CELSR1: variants seen among roughly 807,000 people sequenced by gnomAD.
CELSR1 encodes the protein cadherin EGF LAG seven-pass G-type receptor 1.
In CELSR1, 110 loss-of-function variants were observed where a neutral mutation model predicts 249.1. The ratio of observed to expected loss-of-function variants is 0.44; its 90% CI spans 0.38 to 0.52. CELSR1 has a LOEUF of 0.52. Among genes scored for constraint, CELSR1 ranks in the 20% least tolerant of loss-of-function variants. CELSR1 has a pLI of 0.00. For synonymous variants in CELSR1, 2,113 were observed against 1,900.0 expected, an observed-to-expected ratio of 1.11 and a Z score of -2.92; for missense variants, 4,109 against 4,296.4, an observed-to-expected ratio of 0.96 and a Z score of 1.22.
In CELSR1 at chr22:46,398,226, G is replaced by A. The variant is rs2079172314; in HGVS notation, c.5526+298C>T. ...TTGGGTGACGTCTGTGGTTGGACTGGGTGGGGGTGGCGGCAAGGGGCTCGA... is the reference window on the plus strand; with the variant it reads ...TTGGGTGACGTCTGTGGTTGGACTGAGTGGGGGTGGCGGCAAGGGGCTCGA... On this transcript the variant is annotated intron_variant, in intron 11 of 34. Coordinates refer to ENST00000674500, the MANE Select transcript of CELSR1 (RefSeq NM_001378328.1). The surrounding 1 kb of genome is among the most constrained non-coding windows in gnomAD (Gnocchi z 7.2). Among the ~76,000 whole-genome samples the A allele has an allele frequency of 6.6e-6, 1 of 152,144 alleles. No homozygotes were observed. Among genetic ancestry groups the A allele is most frequent in the African/African-American group, 2.4e-5 (1 of 41,430 alleles).
chr22:46,414,460 C>G (rs1235793417), intron 5 of CELSR1, among the ~76,000 whole-genome samples: 1 of 152,040 alleles, frequency 6.6e-6, no homozygotes, highest in African/African-American at 2.4e-5. Context: ...CCTGTCACCC[C>G]TGAATAGGTG....
intron 1 of CELSR1, among the ~76,000 whole-genome samples, chr22:46,483,936 A>C (rs1250250573): frequency 6.6e-6 from 1 of 152,198 alleles, no homozygotes; most frequent in Non-Finnish European, 1.5e-5. Context: ...ATTTGTACCT[A>C]TTTAAGAGCA....
intron 1 of CELSR1, among the ~76,000 whole-genome samples, chr22:46,507,521 G>A (rs992646488): frequency 1.3e-5 from 2 of 152,100 alleles, no homozygotes; most frequent in Non-Finnish European, 2.9e-5. Flanking sequence ...GCTATACTCG[G>A]TGTGCCCCAG....
intron 1 of CELSR1, among the ~76,000 whole-genome samples, chr22:46,509,212 C>G (rs187668446): frequency 1.3e-5 from 2 of 152,284 alleles, no homozygotes; most frequent in Admixed American, 1.3e-4. Context: ...TTCACAGGCA[C>G]CACAGGGTCT....
chr22:46,381,936 G>C lies in CELSR1; in HGVS notation c.6998C>G (p.Ala2333Gly). The part of the protein sequence containing the change: ...ISRRRRHPDD[A>G]GQFAVALVII... ...GACCAGAGCGACGGCGAACTGGCCA[G>C]CGTCATCAGGGTGTCGCCTCCGCCT... The change falls in exon 21 of 35, where the codon GCT becomes GGT. Residue 2333 changes from alanine (A) to glycine (G), a missense_variant. Ala to Gly is a moderately conservative substitution (Grantham distance 60). Transcript: ENST00000674500. This position sits in a 1 kb window ranked among gnomAD's most constrained non-coding sequence, Gnocchi z 6.0. 1 of 1,568,700 alleles carries C rather than the reference G, an allele frequency of 6.4e-7. No individual in the cohort carries two copies. The highest frequency in any genetic ancestry group is 1.4e-5 in the African/African-American group (1 of 73,998).
In CELSR1 at chr22:46,535,203, C is replaced by G. The variant is rs767839664; in HGVS notation, c.1968G>C (p.Gly656=). Residue 656 remains glycine, a synonymous_variant, in exon 1 of 35, where the codon GGG becomes GGC. Coordinates refer to ENST00000674500, the MANE Select transcript of CELSR1 (RefSeq NM_001378328.1). Reference sequence around the variant, plus strand: ...GCGAGCCGTGGTCCACCGCCTCCACCCCGAAGCTGTAGTGCTCCACCTCCT... The same window carrying G: ...GCGAGCCGTGGTCCACCGCCTCCACGCCGAAGCTGTAGTGCTCCACCTCCT... ...DREEVEHYSF[G]VEAVDHGSPP... 1.9e-6 allele frequency: 3 copies of G among 1,609,388 alleles called. No homozygotes were observed. Among genetic ancestry groups the G allele is most frequent in the Non-Finnish European group, 2.5e-6 (3 of 1,179,850 alleles).
In CELSR1 at chr22:46,365,323, G is replaced by C; in HGVS notation, c.8462C>G (p.Ala2821Gly). Reference sequence around the variant, plus strand: ...CTCGCTGTCTGACGAGTGTGAGGAGGCGTAAGAGCTGCTCTGCTCATCCAG... The same window carrying C: ...CTCGCTGTCTGACGAGTGTGAGGAGCCGTAAGAGCTGCTCTGCTCATCCAG... Reference protein sequence around the residue: ...LSLDEQSSSYASSHSSDSEDD... With the variant: ...LSLDEQSSSYGSSHSSDSEDD... Residue 2821 changes from alanine (A) to glycine (G), a missense_variant, in exon 32 of 35, where the codon GCC becomes GGC. Ala to Gly is a moderately conservative substitution (Grantham distance 60, BLOSUM62 0). Coordinates refer to ENST00000674500, the MANE Select transcript of CELSR1 (RefSeq NM_001378328.1). 6.2e-7 allele frequency: 1 copy of C among 1,612,994 alleles called. No individual in the cohort carries two copies. Among genetic ancestry groups the C allele is most frequent in the Non-Finnish European group, 8.5e-7 (1 of 1,179,972 alleles).
rs1208309080 is a variant in CELSR1, at chr22:46,536,748, G to A, written c.423C>T (p.Ala141=). 2.5e-6 allele frequency: 3 copies of A among 1,183,084 alleles called. No homozygotes were observed. The highest frequency in any genetic ancestry group is 9.3e-5 in the Admixed American group (2 of 21,432). The allele number at this position is 1,183,084 out of a possible 1,614,324, so 73.3% of individuals were successfully genotyped here. ...LCFPVPGGCA[A]AQHSALAAPT... ...GAGCTGCGAGCGCCGAATGCTGCGC[G>A]GCCGCGCAGCCGCCGGGGACGGGGA... Residue 141 remains alanine, a synonymous_variant, in exon 1 of 35, where the codon GCC becomes GCT. Coordinates refer to ENST00000674500, the MANE Select transcript of CELSR1 (RefSeq NM_001378328.1).
rs542640363 is a variant in CELSR1, at chr22:46,464,277, T to G, written c.3613A>C (p.Asn1205His). ...VTIITDDMLTNSITVRLENMS... is the reference protein window; with the variant it reads ...VTIITDDMLTHSITVRLENMS... ...TTCTCCAGGCGGACAGTGATGCTGT[T>G]GGTCAGCATGTCGTCCGTGATGATG... Residue 1205 changes from asparagine (N) to histidine (H), a missense_variant, in exon 2 of 35, where the codon AAC (asparagine) becomes CAC (histidine). This residue lies in a region of CELSR1 where 886 missense variants were observed against 896.5 expected (regional missense o/e 0.99). Transcript: ENST00000674500. The surrounding 1 kb of genome is among the most constrained non-coding windows in gnomAD (Gnocchi z 8.5). 4 of 1,613,620 alleles carry G rather than the reference T, an allele frequency of 2.5e-6. No individual in the cohort carries two copies. In the South Asian group the frequency reaches 4.4e-5, roughly 18 times the overall value.
At chr22:46,461,687 G>C (rs577327608) in intron 2 of CELSR1, among the ~76,000 whole-genome samples, 1 of 152,244 alleles carries the variant, frequency 6.6e-6, no homozygotes, top group Non-Finnish European at 1.5e-5. Context: ...GGCTGTGTGC[G>C]CTGGCCTGGT....
chr22:46,366,998 G>A lies in CELSR1; in HGVS notation c.8200C>T (p.Leu2734=), dbSNP rs376550083. ...EDSATTRATL[L]TRSLNCNTTF... is the part of the protein sequence containing the mutation. ...GTGTCCCCGGCGCCTCCTACCGTCA[G>A]CAGGGTGGCCCTGGTGGTGGCGGAG... The change falls in exon 29 of 35, where the codon CTG becomes TTG. Residue 2734 remains leucine, a synonymous_variant. Coordinates refer to ENST00000674500, the MANE Select transcript of CELSR1 (RefSeq NM_001378328.1). The A allele has an allele frequency of 1.7e-5, 27 of 1,609,384 alleles. No individual in the cohort carries two copies. The African/African-American group carries it at 3.5e-4, about 21-fold the overall frequency.
chr22:46,510,913 G>A (rs576850132), intron 1 of CELSR1, among the ~76,000 whole-genome samples: 5 of 152,186 alleles, frequency 3.3e-5, no homozygotes, highest in East Asian at 1.9e-4. Context: ...TCAGGAGTTC[G>A]AGACCAGCCT....
Position 46,377,494 on chromosome 22 carries a change from G to C in CELSR1, c.7384-233C>G, listed in dbSNP as rs2878858. The C allele has an allele frequency of 3.7e-5, 21 of 564,026 alleles. No individual in the cohort carries two copies. The Admixed American group carries it at 5.8e-4, about 16-fold the overall frequency. The allele number at this position is 564,026 out of a possible 1,614,324, so 34.9% of individuals were successfully genotyped here. A position where few individuals can be genotyped will look rare whatever the true frequency, so the allele number is the denominator to read the frequency against. On this transcript the variant is annotated intron_variant, in intron 23 of 34. Coordinates refer to ENST00000674500, the MANE Select transcript of CELSR1 (RefSeq NM_001378328.1). ...CCTGGGGCCTGCGGCAGCACGCCAG[G>C]CTCCCTCCACTGGCTTGGGGGCCGT... is the stretch of plus-strand genomic sequence containing the variant.
At chr22:46,405,583 A>G (rs2079257329) in intron 9 of CELSR1, among the ~76,000 whole-genome samples, 1 of 152,238 alleles carries the variant, frequency 6.6e-6, no homozygotes, top group South Asian at 2.1e-4. Flanking sequence ...TGATATCCAC[A>G]GGATGAACCT....
chr22:46,493,319 G>T (rs556911763), intron 1 of CELSR1, among the ~76,000 whole-genome samples: 1 of 152,146 alleles, frequency 6.6e-6, no homozygotes, highest in Admixed American at 6.5e-5. Flanking sequence ...GCCAAGGCGG[G>T]TGGATCACCT....
chr22:46,398,568 C>G lies in CELSR1; in HGVS notation c.5482G>C (p.Glu1828Gln). The G allele has an allele frequency of 6.2e-7, 1 of 1,613,830 alleles. No individual in the cohort carries two copies. Among genetic ancestry groups the G allele is most frequent in the Non-Finnish European group, 8.5e-7 (1 of 1,179,906 alleles). ...CCACGGCGCACGGAGACCTTGTCTT[C>G]AGAGGCGCCTCCGACCACCACGCTC... ...VRSVVVGGAS[E>Q]DKVSVRRGFR... is the part of the protein sequence containing the mutation. The change falls in exon 11 of 35, where the codon GAA becomes CAA. Residue 1828 changes from glutamate (E) to glutamine (Q), a missense_variant. By Grantham distance (29) the Glu-to-Gln change is conservative. This residue lies in a region of CELSR1 where 1,805 missense variants were observed against 1,831.6 expected (regional missense o/e 0.99). Transcript: ENST00000674500. The surrounding 1 kb of genome is among the most constrained non-coding windows in gnomAD (Gnocchi z 7.2).
rs1196336134 is a variant in CELSR1 at position 46,402,209 on chromosome 22, T to G, written c.5227-2307A>C. On this transcript the variant is annotated intron_variant, in intron 9 of 34. Coordinates refer to ENST00000674500, the MANE Select transcript of CELSR1 (RefSeq NM_001378328.1). The surrounding 1 kb of genome is among the most constrained non-coding windows in gnomAD (Gnocchi z 5.0). ...ACATCCCCATCATCCCCATTCTAGT[T>G]TCTCTTTTTCTTTTTTTTTTTTTTG... is the stretch of plus-strand genomic sequence containing the variant. Among the ~76,000 whole-genome samples the G allele has an allele frequency of 6.6e-6, 1 of 151,886 alleles. No individual in the cohort carries two copies. The highest frequency in any genetic ancestry group is 1.5e-5 in the Non-Finnish European group (1 of 67,950).
At chr22:46,519,712 T>C (rs1207795870) in intron 1 of CELSR1, among the ~76,000 whole-genome samples, 1 of 152,184 alleles carries the variant, frequency 6.6e-6, no homozygotes, top group Non-Finnish European at 1.5e-5. Flanking sequence ...CACTGGACCC[T>C]GCTCAGGTGC....
chr22:46,390,252 G>A lies in CELSR1; in HGVS notation c.6345+140C>T, dbSNP rs2147250258. The A allele has an allele frequency of 4.8e-6, 3 of 631,296 alleles. No homozygotes were observed. The highest frequency in any genetic ancestry group is 2.5e-5 in the South Asian group (1 of 39,632). 39.1% of individuals were successfully genotyped at this position (631,296 alleles called of 1,614,324 possible). A position where few individuals can be genotyped will look rare whatever the true frequency, so the allele number is the denominator to read the frequency against. On this transcript the variant is annotated intron_variant, in intron 17 of 34. Transcript: ENST00000674500. The surrounding 1 kb of genome is among the most constrained non-coding windows in gnomAD (Gnocchi z 6.3). Reference sequence around the variant, plus strand: ...CAGGAACCTGCTGGCTCCAGGCTGCGGGCCCGTGGGGCTGTCCCTGCGCCA... The same window carrying A: ...CAGGAACCTGCTGGCTCCAGGCTGCAGGCCCGTGGGGCTGTCCCTGCGCCA...
Sources: gnomAD v4.1 joint callset for allele counts (sites outside exome capture counted in the v4.1 genomes callset) on GRCh38, gnomAD v4.1.1 for gene constraint, gnomAD v4.1.1 regional missense constraint, Gnocchi (gnomAD v3.1) non-coding constraint, MANE v1.5 for transcripts, NCBI Gene and HGNC (gene_info 2026-07-23, HGNC 2026-07-21) for gene names.